Variants in CHD8 observed in about 807,000 individuals in gnomAD.
The protein encoded by CHD8 is chromodomain helicase DNA binding protein 8.
CHD8 carries 31 observed loss-of-function variants against 279.2 expected under a neutral mutation model. The ratio of observed to expected loss-of-function variants is 0.11; its 90% CI spans 0.08 to 0.15. CHD8 has a LOEUF of 0.15. CHD8 is among the 10% of genes least tolerant of loss of function. The pLI is 1.00. For synonymous variants in CHD8, 1,081 were observed against 1,139.6 expected, an observed-to-expected ratio of 0.95 and a Z score of 1.04; for missense variants, 2,146 against 3,230.5, an observed-to-expected ratio of 0.66 and a Z score of 8.14.
In CHD8 at chr14:21,429,422, A is replaced by G. The variant is rs567640860; in HGVS notation, c.844-87T>C. The stretch of plus-strand genomic sequence containing the variant: ...TTACACCAGTTTTCTTCATGCTAGA[A>G]TCATAAAAACTACAGGTCAGAAGAC... On this transcript the variant is annotated intron_variant, in intron 2 of 37. Coordinates refer to ENST00000646647, the MANE Select transcript of CHD8 (RefSeq NM_001170629.2). 6 of 1,371,688 alleles carry G rather than the reference A, an allele frequency of 4.4e-6. No homozygotes were observed. The African/African-American group carries it at 7.1e-5, about 16-fold the overall frequency. 85.0% of individuals were successfully genotyped at this position (1,371,688 alleles called of 1,614,324 possible).
At position 21,408,896 on chromosome 14, in the gene CHD8, T is replaced by C; in HGVS notation, c.2365-71A>G. 1 of 1,456,548 alleles carries C rather than the reference T, an allele frequency of 6.9e-7. No homozygotes were observed. Among genetic ancestry groups the C allele is most frequent in the Non-Finnish European group, 9.3e-7 (1 of 1,075,098 alleles). 90.2% of individuals were successfully genotyped at this position (1,456,548 alleles called of 1,614,324 possible). A position where few individuals can be genotyped will look rare whatever the true frequency, so the allele number is the denominator to read the frequency against. Reference sequence around the variant, plus strand: ...AAGGTAAGACTTACTAGGTAAGTTCTAATAGTTAAAATCAATTCAAAACAA... The same window carrying C: ...AAGGTAAGACTTACTAGGTAAGTTCCAATAGTTAAAATCAATTCAAAACAA... On this transcript the variant is annotated intron_variant, in intron 11 of 37. Transcript: ENST00000646647. The surrounding 1 kb of genome is among the most constrained non-coding windows in gnomAD (Gnocchi z 4.3).
In CHD8 at chr14:21,426,221, A is replaced by G; in HGVS notation, c.1623T>C (p.Gly541=). 1 of 1,604,914 alleles carries G rather than the reference A, an allele frequency of 6.2e-7. No homozygotes were observed. Among genetic ancestry groups the G allele is most frequent in the Non-Finnish European group, 8.5e-7 (1 of 1,172,358 alleles). The change falls in exon 5 of 38, where the codon GGT becomes GGC. Residue 541 remains glycine, a synonymous_variant. Transcript: ENST00000646647. ...SKLNTITPVV[G]KKRKRNTSSD... ...ATGAGGTATTACGTTTTCTCTTCTT[A>G]CCCACTACAGGAGTGATGGTGCTAA...
At chr14:21,388,528 C>CT (rs1430788729) in intron 37 of CHD8, among the ~76,000 whole-genome samples, 1 of 152,118 alleles carries the variant, frequency 6.6e-6, no homozygotes, top group Non-Finnish European at 1.5e-5. Flanking sequence ...GTCTCACACT[C>CT]TATTGCCCAG....
At chr14:21,431,984 T>C in intron 1 of CHD8, 126 bp from the exon 2 acceptor site, 1 of 649,988 alleles carries the variant, frequency 1.5e-6, no homozygotes, top group African/African-American at 1.8e-5. Context: ...TGTGAGGAAA[T>C]CTGAGGACGG....
intron 5 of CHD8, among the ~76,000 whole-genome samples, chr14:21,417,559 C>A (rs57254369): frequency 0.071 from 10,836 of 151,736 alleles, 822 homozygotes; most frequent in African/African-American, 0.19. Context: ...CTATTTTATA[C>A]AAAATATAAA....
Position 21,394,193 on chromosome 14 carries a change from G to T in CHD8, c.5602C>A (p.Pro1868Thr), listed in dbSNP as rs1325133099. Reference protein sequence around the residue: ...CRLPPAAGDEPPDPNLFIEPI... With the variant: ...CRLPPAAGDETPDPNLFIEPI... ...TCAATGAACAGGTTAGGGTCGGGGGGTTCTGCAAGAGACAGGAGTAGAAGA... is the reference window on the plus strand; with the variant it reads ...TCAATGAACAGGTTAGGGTCGGGGGTTTCTGCAAGAGACAGGAGTAGAAGA... Residue 1868 changes from proline (P) to threonine (T), a missense_variant and splice_region_variant, in exon 32 of 38, where the codon CCC becomes ACC. Pro to Thr is a conservative substitution (Grantham distance 38). Around this residue, in one of 26 missense-constraint regions of CHD8, gnomAD observed 513 missense variants for 637.6 expected, o/e 0.80. Transcript: ENST00000646647. 1.2e-6 allele frequency: 2 copies of T among 1,607,322 alleles called. No individual in the cohort carries two copies. The highest frequency in any genetic ancestry group is 1.7e-6 in the Non-Finnish European group (2 of 1,175,226).
rs772587635 is a variant in CHD8 at position 21,392,522 on chromosome 14, T to C, written c.6756A>G (p.Thr2252=). The part of the protein sequence containing the change: ...LRRGMDEKEF[T]VQIKDEEGLK... ...CTGAGCTTACATCTTTGATTTGAAC[T>C]GTAAACTCCTTTTCATCCATGCCTC... is the stretch of plus-strand genomic sequence containing the variant. The change falls in exon 34 of 38, where the codon ACA becomes ACG. Residue 2252 remains threonine (T), a synonymous_variant. Coordinates refer to ENST00000646647, the MANE Select transcript of CHD8 (RefSeq NM_001170629.2). The C allele has an allele frequency of 6.2e-7, 1 of 1,612,304 alleles. No homozygotes were observed. Among genetic ancestry groups the C allele is most frequent in the Non-Finnish European group, 8.5e-7 (1 of 1,179,708 alleles).
Position 21,412,904 on chromosome 14 carries a change from A to G in CHD8, c.2226+9T>C. 3 of 1,564,924 alleles carry G rather than the reference A, an allele frequency of 1.9e-6. No individual in the cohort carries two copies. The highest frequency in any genetic ancestry group is 2.6e-6 in the Non-Finnish European group (3 of 1,135,702). ...GATGTTCACGTTACTCCATGCCTCAACAACTCACCTCCCCATTGTCCTTGT... is the reference window on the plus strand; with the variant it reads ...GATGTTCACGTTACTCCATGCCTCAGCAACTCACCTCCCCATTGTCCTTGT... On this transcript the variant is annotated intron_variant, in intron 10 of 37. Transcript: ENST00000646647.
chr14:21,432,526 AT>A (rs1315187676), intron 1 of CHD8, among the ~76,000 whole-genome samples: 1 of 152,190 alleles, frequency 6.6e-6, no homozygotes, highest in East Asian at 1.9e-4. Flanking sequence ...ATTGTTTCCA[AT>A]TTATATTCCC....
At position 21,431,155 on chromosome 14, in the gene CHD8, C is replaced by T. The variant is rs746419088; in HGVS notation, c.489G>A (p.Lys163=). The T allele has an allele frequency of 8.8e-6, 14 of 1,599,012 alleles. No homozygotes were observed. In the Admixed American group the frequency reaches 2.3e-4, roughly 27 times the overall value. The change falls in exon 2 of 38, where the codon AAG becomes AAA. Residue 163 remains lysine, a synonymous_variant. Transcript: ENST00000646647. ...PQSAPKIVIL[K]APPSSSVTGA... ...CAGTGACTGAGGAGCTTGGTGGGGC[C>T]TTAAGGATAACAATCTTAGGGGCTG...
At chr14:21,430,779 C>T (rs746607163) in intron 2 of CHD8, 22 bp downstream of exon 2, 1 of 1,530,682 alleles carries the variant, frequency 6.5e-7, no homozygotes, top group Non-Finnish European at 8.8e-7. Context: ...CAAAATTCAC[C>T]TCCCCCTTTC....
chr14:21,386,590 C>A (rs1289066916), intron 37 of CHD8, among the ~76,000 whole-genome samples: 3 of 152,202 alleles, frequency 2.0e-5, no homozygotes, highest in Non-Finnish European at 4.4e-5. Flanking sequence ...GTAATCCCAG[C>A]ACTTTGGGAG....
chr14:21,444,726 A>T (rs1334708100), intron 1 of CHD8, among the ~76,000 whole-genome samples: 1 of 152,092 alleles, frequency 6.6e-6, no homozygotes, highest in Non-Finnish European at 1.5e-5. Context: ...TTTATTTGCT[A>T]CTTTTTTCCT....
Position 21,394,043 on chromosome 14 carries a change from G to A in CHD8, c.5752C>T (p.Pro1918Ser). The change falls in exon 32 of 38, where the codon CCT becomes TCT. Residue 1918 changes from proline to serine, a missense_variant. Around this residue, in one of 26 missense-constraint regions of CHD8, gnomAD observed 513 missense variants for 637.6 expected, o/e 0.80. Coordinates refer to ENST00000646647, the MANE Select transcript of CHD8 (RefSeq NM_001170629.2). The part of the protein sequence containing the change: ...DRLALCQPPG[P>S]ELPKWWEPVR... ...GGCTCCCACCATTTGGGCAATTCAG[G>A]ACCAGGAGGCTGACACAATGCCAGC... 1 of 1,613,892 alleles carries A rather than the reference G, an allele frequency of 6.2e-7. No homozygotes were observed. Among genetic ancestry groups the A allele is most frequent in the Non-Finnish European group, 8.5e-7 (1 of 1,179,856 alleles).
intron 37 of CHD8, among the ~76,000 whole-genome samples, chr14:21,387,307 G>A (rs1306921533): frequency 4.0e-5 from 6 of 150,836 alleles, no homozygotes; most frequent in Admixed American, 6.6e-5. Context: ...CCAACATAGC[G>A]AAACTCTGTC....
chr14:21,388,263 T>C (rs956734197), intron 37 of CHD8, among the ~76,000 whole-genome samples: 2 of 152,222 alleles, frequency 1.3e-5, no homozygotes, highest in Admixed American at 6.5e-5. Flanking sequence ...TGTATGCACA[T>C]AGTCAGCCTT....
chr14:21,389,825 C>T (rs2139437619), intron 37 of CHD8, among the ~76,000 whole-genome samples: 1 of 152,194 alleles, frequency 6.6e-6, no homozygotes, highest in South Asian at 2.1e-4. Context: ...AAACAGTTTC[C>T]TCTGCTTTTT....
intron 28 of CHD8, 123 bp from the exon 29 acceptor site, chr14:21,395,475 A>G: frequency 1.5e-6 from 1 of 674,408 alleles, no homozygotes; most frequent in Non-Finnish European, 2.6e-6. Context: ...AAAACTTCTA[A>G]AGAAATATAT....
chr14:21,386,793 C>G (rs1003841142), intron 37 of CHD8, among the ~76,000 whole-genome samples: 2 of 150,718 alleles, frequency 1.3e-5, no homozygotes, highest in African/African-American at 4.9e-5. Context: ...GAGCCGAGAT[C>G]GCGCCACTGC....
Sources: gnomAD v4.1 joint callset for allele counts (sites outside exome capture counted in the v4.1 genomes callset) on GRCh38, gnomAD v4.1.1 for gene constraint, gnomAD v4.1.1 regional missense constraint, Gnocchi (gnomAD v3.1) non-coding constraint, MANE v1.5 for transcripts, NCBI Gene and HGNC (gene_info 2026-07-23, HGNC 2026-07-21) for gene names.